The following SPIRE1 variants were observed in gnomAD, a reference collection of about 807,000 sequenced individuals.
The protein encoded by SPIRE1 is spire type actin nucleation factor 1.
A neutral mutation model predicts 94.1 loss-of-function variants in SPIRE1; 40 were observed. The ratio of observed to expected loss-of-function variants is 0.43; its 90% CI spans 0.33 to 0.55. SPIRE1 has a LOEUF of 0.55. Ranked by LOEUF, SPIRE1 falls within the 20% of genes least tolerant of loss-of-function variation. SPIRE1 has a pLI of 0.06. For synonymous variants in SPIRE1, 376 were observed against 371.7 expected, an observed-to-expected ratio of 1.01 and a Z score of -0.13; for missense variants, 838 against 975.2, an observed-to-expected ratio of 0.86 and a Z score of 1.87.
intron 2 of SPIRE1, among the ~76,000 whole-genome samples, chr18:12,634,551 C>A (rs978675074): frequency 6.6e-6 from 1 of 152,086 alleles, no homozygotes; most frequent in Non-Finnish European, 1.5e-5. Context: ...CTTTATAACA[C>A]AACCTGACGT....
At chr18:12,520,339 G>A (rs1016262186) in intron 4 of SPIRE1, among the ~76,000 whole-genome samples, 2 of 152,012 alleles carry the variant, frequency 1.3e-5, no homozygotes, top group African/African-American at 2.4e-5. Context: ...ACAACTCCTG[G>A]GTTTTGAACC....
At chr18:12,464,074 G>C (rs747807320) in intron 11 of SPIRE1, among the ~76,000 whole-genome samples, 10 of 152,162 alleles carry the variant, frequency 6.6e-5, no homozygotes, top group Admixed American at 6.5e-4. Flanking sequence ...TCTATCTACA[G>C]AGTAGAGCTG....
In SPIRE1 at chr18:12,510,183, T is replaced by C. The variant is rs372796468; in HGVS notation, c.807+2271A>G. 5.3e-5 allele frequency among the ~76,000 whole-genome samples: 8 copies of C among 151,506 alleles called. No homozygotes were observed. The East Asian group carries it at 5.8e-4, about 11-fold the overall frequency. Reference sequence around the variant, plus strand: ...CTAGTCTATAGTCACAGAAAGCAGATGACTAATTGCCTAGAAACTGGGGAG... The same window carrying C: ...CTAGTCTATAGTCACAGAAAGCAGACGACTAATTGCCTAGAAACTGGGGAG... On this transcript the variant is annotated intron_variant, in intron 5 of 16. Transcript: ENST00000409402.
At chr18:12,566,469 G>T (rs572071946) in intron 2 of SPIRE1, among the ~76,000 whole-genome samples, 3 of 152,212 alleles carry the variant, frequency 2.0e-5, no homozygotes, top group Non-Finnish European at 4.4e-5. Context: ...CTTTTATTTT[G>T]CTTATTCTTA....
chr18:12,562,758 C>T (rs956226760), intron 2 of SPIRE1, among the ~76,000 whole-genome samples: 5 of 151,104 alleles, frequency 3.3e-5, no homozygotes, highest in Non-Finnish European at 4.4e-5. Flanking sequence ...GATCCTTCTG[C>T]TTCTGCCTCC....
chr18:12,544,131 A>C (rs951750353), intron 3 of SPIRE1, among the ~76,000 whole-genome samples: 2 of 152,196 alleles, frequency 1.3e-5, no homozygotes, highest in African/African-American at 4.8e-5. Flanking sequence ...AAAATTTCTA[A>C]TAGAATTGGT....
intron 8 of SPIRE1, among the ~76,000 whole-genome samples, chr18:12,491,391 A>G (rs1229608878): frequency 1.3e-5 from 2 of 151,966 alleles, no homozygotes; most frequent in East Asian, 1.9e-4. Flanking sequence ...TGATCTTACA[A>G]TATATTATAA....
intron 2 of SPIRE1, among the ~76,000 whole-genome samples, chr18:12,620,099 A>G (rs1412864882): frequency 6.6e-6 from 1 of 152,122 alleles, no homozygotes; most frequent in Non-Finnish European, 1.5e-5. Context: ...GGACACCTTG[A>G]GCCAGGAGTT....
chr18:12,579,183 GT>G (rs1445942167), intron 2 of SPIRE1, among the ~76,000 whole-genome samples: 2 of 120,814 alleles, frequency 1.7e-5, no homozygotes, highest in Non-Finnish European at 3.5e-5. Flanking sequence ...AGAGGAAAAA[GT>G]TTACACACAC....
At chr18:12,616,567 G>A (rs1275773365) in intron 2 of SPIRE1, among the ~76,000 whole-genome samples, 1 of 152,218 alleles carries the variant, frequency 6.6e-6, no homozygotes, top group African/African-American at 2.4e-5. Flanking sequence ...TTTAGTAAGT[G>A]TTGTTACAAC....
At chr18:12,552,417 AG>A (rs895607619) in intron 2 of SPIRE1, among the ~76,000 whole-genome samples, 17 of 152,306 alleles carry the variant, frequency 1.1e-4, no homozygotes, top group African/African-American at 3.6e-4. Flanking sequence ...GAGGGAAAAG[AG>A]GACTATATCT....
At chr18:12,648,040 A>C (rs1402984506) in intron 1 of SPIRE1, among the ~76,000 whole-genome samples, 4 of 152,166 alleles carry the variant, frequency 2.6e-5, no homozygotes, top group Non-Finnish European at 5.9e-5. Context: ...GCAACAAAAC[A>C]ACCAAAGTAC....
At chr18:12,522,935 AC>A (rs1345920226) in intron 4 of SPIRE1, among the ~76,000 whole-genome samples, 14 of 152,346 alleles carry the variant, frequency 9.2e-5, no homozygotes, top group African/African-American at 3.4e-4. Flanking sequence ...AGCCCCATGG[AC>A]CAAGGAATAA....
At chr18:12,510,831 C>T (rs1341176564) in intron 5 of SPIRE1, among the ~76,000 whole-genome samples, 2 of 152,176 alleles carry the variant, frequency 1.3e-5, no homozygotes, top group Non-Finnish European at 2.9e-5. Context: ...TGAGCCACCA[C>T]ACCTGTCCTT....
chr18:12,577,268 C>A (rs981084040), intron 2 of SPIRE1, among the ~76,000 whole-genome samples: 2 of 152,098 alleles, frequency 1.3e-5, no homozygotes, highest in African/African-American at 4.8e-5. Flanking sequence ...CTGCCTCAGC[C>A]TCCCCAGTAG....
chr18:12,454,602 T>G lies in SPIRE1; in HGVS notation c.1639-119A>C, dbSNP rs1396736973. On this transcript the variant is annotated intron_variant, in intron 12 of 16. Coordinates refer to ENST00000409402, the MANE Select transcript of SPIRE1 (RefSeq NM_001128626.2). ...TCAGAGAAGAGAACAGGTTTCCCAA[T>G]GACCACTGGGGCAGAGCTGGCTCCC... The G allele has an allele frequency of 3.3e-6, 3 of 896,294 alleles. No individual in the cohort carries two copies. The Admixed American group carries it at 5.7e-5, about 17-fold the overall frequency. 55.5% of individuals were successfully genotyped at this position (896,294 alleles called of 1,614,324 possible). A position where few individuals can be genotyped will look rare whatever the true frequency, so the allele number is the denominator to read the frequency against.
chr18:12,509,898 A>T (rs1372360995), intron 5 of SPIRE1, among the ~76,000 whole-genome samples: 2 of 152,098 alleles, frequency 1.3e-5, no homozygotes, highest in Non-Finnish European at 2.9e-5. Context: ...CAGCCTGACC[A>T]ACATGGTGAA....
chr18:12,655,823 CT>C (rs1278032051), intron 1 of SPIRE1, among the ~76,000 whole-genome samples: 2 of 152,220 alleles, frequency 1.3e-5, no homozygotes, highest in African/African-American at 4.8e-5. Context: ...GAAATCACCA[CT>C]ACCAACGCTG....
At chr18:12,576,296 C>T (rs932196265) in intron 2 of SPIRE1, among the ~76,000 whole-genome samples, 8 of 152,004 alleles carry the variant, frequency 5.3e-5, no homozygotes, top group Non-Finnish European at 8.8e-5. Context: ...CTTACACTAC[C>T]TAATTTTAAG....
Sources: gnomAD v4.1 joint callset for allele counts (sites outside exome capture counted in the v4.1 genomes callset) on GRCh38, gnomAD v4.1.1 for gene constraint, MANE v1.5 for transcripts, NCBI Gene and HGNC (gene_info 2026-07-23, HGNC 2026-07-21) for gene names.